Variants in MAST2 observed in about 807,000 individuals in gnomAD.
MAST2 encodes the protein microtubule-associated serine/threonine-protein kinase 2.
In MAST2, 70 loss-of-function variants were observed where a neutral mutation model predicts 147.4. The ratio of observed to expected loss-of-function variants is 0.47; its 90% CI spans 0.39 to 0.58. The LOEUF is 0.58. MAST2 is among the 20% of genes least tolerant of loss of function. MAST2 has a pLI of 0.00. For missense variants in MAST2, 2,080 were observed against 2,302.3 expected (o/e 0.90, Z 1.98); for synonymous variants, 869 against 896.8 (o/e 0.97, Z 0.55).
intron 4 of MAST2, among the ~76,000 whole-genome samples, chr1:45,914,475 A>G (rs773992014): frequency 1.8e-4 from 28 of 152,256 alleles, no homozygotes; most frequent in Non-Finnish European, 3.8e-4. Context: ...TATTTAATGA[A>G]GAAGTGCCAA....
At chr1:45,918,592 C>G (rs1652941131) in intron 4 of MAST2, among the ~76,000 whole-genome samples, 2 of 152,120 alleles carry the variant, frequency 1.3e-5, no homozygotes, top group African/African-American at 2.4e-5. Context: ...CGGCTGCCCC[C>G]ACACCCAGCT....
At chr1:45,947,634 A>G (rs1459598977) in intron 4 of MAST2, among the ~76,000 whole-genome samples, 2 of 152,246 alleles carry the variant, frequency 1.3e-5, no homozygotes, top group Admixed American at 1.3e-4. Flanking sequence ...AGGGTACCCA[A>G]ATAGAAAGAG....
At chr1:45,947,491 TG>T (rs893308404) in intron 4 of MAST2, among the ~76,000 whole-genome samples, 1 of 152,202 alleles carries the variant, frequency 6.6e-6, no homozygotes, top group Non-Finnish European at 1.5e-5. Context: ...TTATCATTGT[TG>T]TTTTAAATGC....
At chr1:45,954,052 T>C (rs751109801) in intron 4 of MAST2, among the ~76,000 whole-genome samples, 2 of 152,134 alleles carry the variant, frequency 1.3e-5, no homozygotes, top group Non-Finnish European at 2.9e-5. Flanking sequence ...TGTTTACACT[T>C]ACTGAAACAG....
At chr1:45,847,838 G>T (rs533470866) in intron 3 of MAST2, among the ~76,000 whole-genome samples, 2 of 152,272 alleles carry the variant, frequency 1.3e-5, no homozygotes, top group Admixed American at 1.3e-4. Context: ...ACTATGCCCG[G>T]CCAGTACTAG....
At chr1:45,979,429 GTTTTTTTTT>G (rs10712066) in intron 5 of MAST2, among the ~76,000 whole-genome samples, 203 of 143,172 alleles carry the variant, frequency 1.4e-3, no homozygotes, top group African/African-American at 4.9e-3. Flanking sequence ...CAGATTTTTT[GTTTTTTTTT>G]TTTTTTTTTG....
At position 46,032,323 on chromosome 1, in the gene MAST2, C is replaced by G. The variant is rs1646703909; in HGVS notation, c.3333C>G (p.Gly1111=). Residue 1111 remains glycine (G), a synonymous_variant, in exon 25 of 29, where the codon GGC becomes GGG. Transcript: ENST00000361297. ...MRPPIIIHRA[G]KKYGFTLRAI... ...CTCCCATCATCATCCACCGAGCTGGCAAGAAGTATGGCTTCACCCTGCGGG... is the reference window on the plus strand; with the variant it reads ...CTCCCATCATCATCCACCGAGCTGGGAAGAAGTATGGCTTCACCCTGCGGG... 25 of 1,614,114 alleles carry G rather than the reference C, an allele frequency of 1.5e-5. No homozygotes were observed. The highest frequency in any genetic ancestry group is 2.1e-5 in the Non-Finnish European group (25 of 1,180,060).
rs751895958 is a variant in MAST2, at chr1:46,032,169, C to T, written c.3188-9C>T. 1.2e-6 allele frequency: 2 copies of T among 1,612,508 alleles called. No homozygotes were observed. The highest frequency in any genetic ancestry group is 1.1e-5 in the South Asian group (1 of 91,042). On this transcript the variant is annotated splice_polypyrimidine_tract_variant and intron_variant, in intron 24 of 28. Transcript: ENST00000361297. ...CTGACCCACTAAGTCCTGGCTTCTC[C>T]TTCTCCAGAACACCACACCTGCTCC...
intron 4 of MAST2, among the ~76,000 whole-genome samples, chr1:45,892,963 G>A (rs934193054): frequency 2.6e-5 from 4 of 152,086 alleles, no homozygotes; most frequent in South Asian, 2.1e-4. Context: ...AAATCTTTAT[G>A]TATAACTTAT....
chr1:45,960,209 A>G (rs1660222208), intron 5 of MAST2, among the ~76,000 whole-genome samples: 1 of 152,190 alleles, frequency 6.6e-6, no homozygotes, highest in African/African-American at 2.4e-5. Context: ...TCTGAAGAAT[A>G]GATAAAAATT....
At chr1:45,833,568 T>C (rs949181232) in intron 3 of MAST2, among the ~76,000 whole-genome samples, 1 of 152,220 alleles carries the variant, frequency 6.6e-6, no homozygotes, top group Non-Finnish European at 1.5e-5. Flanking sequence ...CTGAGTCATA[T>C]GATAACTGTA....
intron 4 of MAST2, among the ~76,000 whole-genome samples, chr1:45,918,193 A>G (rs1652869579): frequency 6.6e-6 from 1 of 152,198 alleles, no homozygotes; most frequent in Non-Finnish European, 1.5e-5. Context: ...ATTTTATATA[A>G]GGTGGTCAGG....
intron 2 of MAST2, among the ~76,000 whole-genome samples, chr1:45,826,920 C>T (rs1205994924): frequency 6.6e-6 from 1 of 152,090 alleles, no homozygotes; most frequent in Non-Finnish European, 1.5e-5. Context: ...CCTCCGCCTT[C>T]CTGGTTCAAG....
At chr1:46,000,876 G>C in intron 6 of MAST2, 1 of 1,048,144 alleles carries the variant, frequency 9.5e-7, no homozygotes. Context: ...AATGTGCCAA[G>C]CTAGACCAAA....
chr1:45,958,505 TCTCC>T (rs772062726), intron 4 of MAST2, among the ~76,000 whole-genome samples: 1 of 151,114 alleles, frequency 6.6e-6, no homozygotes, highest in Non-Finnish European at 1.5e-5. Flanking sequence ...CTTTTCTCCC[TCTCC>T]CTCCCTCCCT....
intron 3 of MAST2, among the ~76,000 whole-genome samples, chr1:45,843,059 T>C (rs751564743): frequency 1.5e-4 from 23 of 152,230 alleles, no homozygotes; most frequent in Non-Finnish European, 2.4e-4. Flanking sequence ...GAGCATCTTT[T>C]CATGTGTTTT....
intron 4 of MAST2, among the ~76,000 whole-genome samples, chr1:45,944,340 C>G (rs1481875965): frequency 1.3e-5 from 2 of 152,184 alleles, no homozygotes; most frequent in East Asian, 1.9e-4. Context: ...TTGAAATTCC[C>G]TTACCCCATT....
At chr1:46,005,308 G>A (rs1400317216) in intron 7 of MAST2, among the ~76,000 whole-genome samples, 1 of 151,760 alleles carries the variant, frequency 6.6e-6, no homozygotes, top group Non-Finnish European at 1.5e-5. Flanking sequence ...GTTGCAGTGA[G>A]CCAAGATCGT....
At chr1:45,811,390 G>A (rs1459288589) in intron 1 of MAST2, among the ~76,000 whole-genome samples, 1 of 147,418 alleles carries the variant, frequency 6.8e-6, no homozygotes, top group Non-Finnish European at 1.5e-5. Context: ...CCAGACTCGA[G>A]TGCAGTGGCG....
Sources: allele counts gnomAD v4.1 joint callset (sites outside exome capture counted in the v4.1 genomes callset), GRCh38; gene constraint gnomAD v4.1.1; transcripts MANE v1.5; gene names NCBI Gene and HGNC (gene_info 2026-07-23, HGNC 2026-07-21).